The following THSD7B variants were observed in gnomAD, a reference collection of about 807,000 sequenced individuals.
The protein encoded by THSD7B is thrombospondin type 1 domain containing 7B, also known as thrombospondin type-1 domain-containing protein 7B.
In THSD7B, 138 loss-of-function variants were observed where a neutral mutation model predicts 213.6. That is an observed-to-expected ratio of 0.65 (90% CI 0.56 to 0.74). The LOEUF is 0.74. Among genes scored for constraint, THSD7B ranks in the 30% least tolerant of loss-of-function variants. The pLI is 0.00. For missense variants in THSD7B, 1,931 were observed against 1,991.5 expected (o/e 0.97, Z 0.58); for synonymous variants, 742 against 687.0 (o/e 1.08, Z -1.25).
intron 17 of THSD7B, among the ~76,000 whole-genome samples, chr2:137,576,708 A>G (rs539461692): frequency 1.7e-4 from 26 of 152,190 alleles, no homozygotes; most frequent in Admixed American, 1.7e-3. Flanking sequence ...TTCTTCAGGC[A>G]AATGCCCTGC....
chr2:137,650,783 C>G (rs1683123746), intron 21 of THSD7B, among the ~76,000 whole-genome samples: 1 of 152,072 alleles, frequency 6.6e-6, no homozygotes, highest in African/African-American at 2.4e-5. Flanking sequence ...TCAAGAGTTT[C>G]TATCATAAAG....
chr2:137,432,044 T>A (rs1257399653), intron 14 of THSD7B, among the ~76,000 whole-genome samples: 2 of 152,176 alleles, frequency 1.3e-5, no homozygotes, highest in African/African-American at 4.8e-5. Context: ...AGTCTAAAGG[T>A]AGCTTCTTCC....
rs1474655095 is a variant in THSD7B, at chr2:136,827,644, G to C, written c.-35-54500G>C. Among the ~76,000 whole-genome samples the C allele has an allele frequency of 2.0e-5, 3 of 152,146 alleles. No individual in the cohort carries two copies. In the East Asian group the frequency reaches 5.8e-4, roughly 29 times the overall value. ...AGGCAGAAGCTCTTCAGTGGTTTGG[G>C]TGTGTCTTCCTGGTCCACTTTCTTT... On this transcript the variant is annotated intron_variant, in intron 1 of 27. Coordinates refer to ENST00000409968, the MANE Select transcript of THSD7B (RefSeq NM_001316349.2).
intron 27 of THSD7B, among the ~76,000 whole-genome samples, chr2:137,671,246 T>TA (rs1683567217): frequency 1.6e-5 from 1 of 62,578 alleles, no homozygotes; most frequent in African/African-American, 3.3e-5. Flanking sequence ...TTTTTTTTTT[T>TA]TAAAAAAAAA....
At chr2:137,143,713 A>G (rs778119426) in intron 5 of THSD7B, among the ~76,000 whole-genome samples, 16 of 152,104 alleles carry the variant, frequency 1.1e-4, no homozygotes, top group Non-Finnish European at 1.8e-4. Flanking sequence ...GCATGCCTCT[A>G]TTAACCTTGC....
At chr2:136,804,427 C>CACACATA (rs1682248778) in intron 1 of THSD7B, among the ~76,000 whole-genome samples, 1 of 149,998 alleles carries the variant, frequency 6.7e-6, no homozygotes, top group Non-Finnish European at 1.5e-5. Context: ...CACACACACA[C>CACACATA]ACACACACAC....
chr2:137,359,340 T>G (rs773969634), intron 12 of THSD7B, among the ~76,000 whole-genome samples: 5 of 152,160 alleles, frequency 3.3e-5, no homozygotes, highest in Non-Finnish European at 7.3e-5. Flanking sequence ...CTGGTGGGGC[T>G]TAGAGCCAAG....
At chr2:137,568,720 G>A (rs77588530) in intron 16 of THSD7B, among the ~76,000 whole-genome samples, 36,088 of 152,026 alleles carry the variant, frequency 0.24, 4,438 homozygotes, top group South Asian at 0.35. Flanking sequence ...TTCACTCACT[G>A]TCACGAGAAC....
intron 2 of THSD7B, among the ~76,000 whole-genome samples, chr2:136,890,989 T>C (rs1274059340): frequency 6.6e-6 from 1 of 152,064 alleles, no homozygotes; most frequent in Non-Finnish European, 1.5e-5. Flanking sequence ...TGTTTGTATA[T>C]TTATTTTAAT....
chr2:137,270,139 T>A (rs1237733127), intron 10 of THSD7B, among the ~76,000 whole-genome samples: 1 of 149,372 alleles, frequency 6.7e-6, no homozygotes. Flanking sequence ...GTGGCTTTTG[T>A]TAGAGATAGG....
intron 12 of THSD7B, among the ~76,000 whole-genome samples, chr2:137,339,621 A>G (rs1349033958): frequency 6.6e-6 from 1 of 151,670 alleles, no homozygotes; most frequent in East Asian, 1.9e-4. Context: ...GCAATAAAGA[A>G]AAGTGCTTTG....
intron 17 of THSD7B, among the ~76,000 whole-genome samples, chr2:137,587,234 C>T (rs1392216913): frequency 4.6e-5 from 7 of 152,110 alleles, no homozygotes; most frequent in Non-Finnish European, 8.8e-5. Flanking sequence ...GTTAGCCATT[C>T]GTCTAATCTT....
intron 2 of THSD7B, among the ~76,000 whole-genome samples, chr2:136,900,453 CACACAT>C (rs1417253049): frequency 2.6e-5 from 4 of 152,076 alleles, no homozygotes; most frequent in African/African-American, 9.7e-5. Context: ...TCACACTACA[CACACAT>C]ACACACACAC....
At chr2:136,888,838 A>G (rs1181622032) in intron 2 of THSD7B, among the ~76,000 whole-genome samples, 1 of 152,162 alleles carries the variant, frequency 6.6e-6, no homozygotes, top group Non-Finnish European at 1.5e-5. Context: ...GGTTTTATTC[A>G]CCAATATACT....
chr2:137,309,278 C>G (rs1683831086), intron 12 of THSD7B, among the ~76,000 whole-genome samples: 1 of 150,474 alleles, frequency 6.6e-6, no homozygotes, highest in Admixed American at 6.7e-5. Flanking sequence ...TCAGACATTA[C>G]TTCTCAGAGT....
chr2:137,270,571 G>A (rs1415712526), intron 10 of THSD7B, among the ~76,000 whole-genome samples: 1 of 152,130 alleles, frequency 6.6e-6, no homozygotes, highest in Non-Finnish European at 1.5e-5. Context: ...GGTAATGACA[G>A]AACATTAATG....
intron 12 of THSD7B, among the ~76,000 whole-genome samples, chr2:137,283,954 G>A (rs189358987): frequency 1.3e-5 from 2 of 152,182 alleles, no homozygotes; most frequent in Non-Finnish European, 2.9e-5. Context: ...CTGTTGATTG[G>A]AATAGTTTCA....
chr2:137,463,145 C>T (rs763981932), intron 15 of THSD7B, among the ~76,000 whole-genome samples: 1 of 152,112 alleles, frequency 6.6e-6, no homozygotes, highest in Non-Finnish European at 1.5e-5. Context: ...GATTTAAAAT[C>T]ATGTTCGATT....
intron 7 of THSD7B, among the ~76,000 whole-genome samples, chr2:137,212,713 A>G (rs1681144523): frequency 1.3e-5 from 2 of 152,142 alleles, no homozygotes; most frequent in African/African-American, 2.4e-5. Context: ...TTCACTGCTT[A>G]AGGCAATCCA....
Sources: allele counts gnomAD v4.1 joint callset (sites outside exome capture counted in the v4.1 genomes callset), GRCh38; gene constraint gnomAD v4.1.1; transcripts MANE v1.5; gene names NCBI Gene and HGNC (gene_info 2026-07-23, HGNC 2026-07-21).